The following TNFRSF11A variants were observed in gnomAD, a reference collection of about 807,000 sequenced individuals.
TNFRSF11A encodes tumor necrosis factor receptor superfamily member 11A.
A neutral mutation model predicts 55.7 loss-of-function variants in TNFRSF11A; 32 were observed. The observed-to-expected ratio is 0.57, with a 90% CI of 0.43 to 0.77. TNFRSF11A has a LOEUF of 0.77. Ranked by LOEUF, TNFRSF11A falls within the 30% of genes least tolerant of loss-of-function variation. The pLI is 0.00. For missense variants in TNFRSF11A, 753 were observed against 809.8 expected (o/e 0.93, Z 0.85); for synonymous variants, 311 against 331.0 (o/e 0.94, Z 0.65).
intron 7 of TNFRSF11A, among the ~76,000 whole-genome samples, chr18:62,363,039 TG>T (rs369675667): frequency 6.6e-6 from 1 of 152,068 alleles, no homozygotes; most frequent in Admixed American, 6.6e-5. Context: ...AAATGGGGTT[TG>T]ACCATGTTGG....
intron 1 of TNFRSF11A, among the ~76,000 whole-genome samples, chr18:62,334,547 A>G (rs1342045704): frequency 6.6e-6 from 1 of 152,202 alleles, no homozygotes; most frequent in Admixed American, 6.5e-5. Flanking sequence ...CTTTGCCCTC[A>G]TAAGCTTTCG....
chr18:62,374,790 A>G (rs911727603), intron 9 of TNFRSF11A, among the ~76,000 whole-genome samples: 2 of 152,226 alleles, frequency 1.3e-5, no homozygotes, highest in African/African-American at 4.8e-5. Flanking sequence ...GGGAAACATC[A>G]CTGATTCATT....
chr18:62,343,125 AG>A (rs1473279737), intron 1 of TNFRSF11A, among the ~76,000 whole-genome samples: 1 of 152,226 alleles, frequency 6.6e-6, no homozygotes, highest in Admixed American at 6.5e-5. Context: ...TTCTCTCTTA[AG>A]AAAAACCACA....
chr18:62,361,616 G>A (rs922908221), intron 6 of TNFRSF11A, 64 bp from the exon 7 acceptor site: 1 of 1,478,276 alleles, frequency 6.8e-7, no homozygotes, highest in South Asian at 1.1e-5. Context: ...ACCGGGATTT[G>A]TTTTTCAACT....
intron 9 of TNFRSF11A, among the ~76,000 whole-genome samples, chr18:62,376,153 T>A (rs1477478589): frequency 6.6e-6 from 1 of 152,124 alleles, no homozygotes; most frequent in Non-Finnish European, 1.5e-5. Context: ...GGATGCACAG[T>A]GCGTGATGGT....
In TNFRSF11A at chr18:62,349,936, A is replaced by G; in HGVS notation, c.282A>G (p.Thr94=). ...GCTTGCTGCATAAAGTTTGTGATAC[A>G]GGTGAGCCCGTCCTGTCAGTGTGTC... ...DKCLLHKVCD[T]GKALVAVVAG... is the part of the protein sequence containing the mutation. The change falls in exon 3 of 10, where the codon ACA becomes ACG. Residue 94 remains threonine, a splice_region_variant and synonymous_variant. Transcript: ENST00000586569. The G allele has an allele frequency of 6.2e-7, 1 of 1,613,890 alleles. No individual in the cohort carries two copies.
intron 9 of TNFRSF11A, among the ~76,000 whole-genome samples, chr18:62,371,740 G>A (rs1343765749): frequency 6.6e-6 from 1 of 152,162 alleles, no homozygotes; most frequent in East Asian, 1.9e-4. Context: ...AGGCCTTATG[G>A]TTTCTGGTCA....
chr18:62,336,953 G>A (rs1169068403), intron 1 of TNFRSF11A, among the ~76,000 whole-genome samples: 2 of 152,192 alleles, frequency 1.3e-5, no homozygotes, highest in Non-Finnish European at 2.9e-5. Context: ...GACCATTGAT[G>A]GGCGCCTGAG....
Position 62,384,746 on chromosome 18 carries a change from C to G in TNFRSF11A, c.1568-5C>G. ...TCCCCGTGTTCTCCCTTCCTCTCCC[C>G]GCAGGAAATGTGACTGGAAACAGTA... On this transcript the variant is annotated splice_region_variant and splice_polypyrimidine_tract_variant and intron_variant, in intron 9 of 9. Transcript: ENST00000586569. 1.2e-6 allele frequency: 2 copies of G among 1,611,196 alleles called. No homozygotes were observed. Among genetic ancestry groups the G allele is most frequent in the South Asian group, 1.1e-5 (1 of 90,226 alleles).
At chr18:62,343,143 G>A (rs555002864) in intron 1 of TNFRSF11A, among the ~76,000 whole-genome samples, 2 of 152,072 alleles carry the variant, frequency 1.3e-5, no homozygotes, top group Non-Finnish European at 2.9e-5. Flanking sequence ...CACATCTTTC[G>A]ACTCTACTGT....
chr18:62,366,407 A>G (rs1246085105), intron 7 of TNFRSF11A, among the ~76,000 whole-genome samples: 3 of 152,196 alleles, frequency 2.0e-5, no homozygotes, highest in Non-Finnish European at 4.4e-5. Context: ...GATGTGCAGG[A>G]TGAAGAAAGT....
intron 1 of TNFRSF11A, among the ~76,000 whole-genome samples, chr18:62,347,902 TA>T (rs11338887): frequency 0.85 from 119,428 of 141,118 alleles, 50,496 homozygotes; most frequent in Middle Eastern, 0.89. Flanking sequence ...AGACTCTGTC[TA>T]AAAAAAAAAA....
At position 62,369,205 on chromosome 18, in the gene TNFRSF11A, C is replaced by T; in HGVS notation, c.1288C>T (p.His430Tyr). The T allele has an allele frequency of 1.2e-6, 2 of 1,613,958 alleles. No homozygotes were observed. Among genetic ancestry groups the T allele is most frequent in the Non-Finnish European group, 1.7e-6 (2 of 1,180,054 alleles). Residue 430 changes from histidine (H) to tyrosine (Y), a missense_variant, in exon 9 of 10, where the codon CAT becomes TAT. His to Tyr is a moderately conservative substitution (Grantham distance 83). This residue lies in a region of TNFRSF11A where 567 missense variants were observed against 596.7 expected (regional missense o/e 0.95). Coordinates refer to ENST00000586569, the MANE Select transcript of TNFRSF11A (RefSeq NM_003839.4). ...NYLQKEVDSG[H>Y]CPHWAASPSP... The stretch of plus-strand genomic sequence containing the variant: ...CTTGCAAAAAGAGGTGGACAGTGGC[C>T]ATTGCCCGCACTGGGCAGCCAGCCC...
Position 62,382,796 on chromosome 18 carries a change from A to ATGTT in TNFRSF11A, c.1568-1934_1568-1931dup, listed in dbSNP as rs200980336. On this transcript the variant is annotated intron_variant, in intron 9 of 9. Transcript: ENST00000586569. ...GTGGTGATTGTTTCATTTTGTTTGT[A>ATGTT]TGTTTGTTTGTTTGTTTGTTTGTTA... Among the ~76,000 whole-genome samples, 980 of 142,880 alleles carry ATGTT rather than the reference A, an allele frequency of 6.9e-3. 4 individuals carry two copies. The highest frequency in any genetic ancestry group is 0.011 in the Non-Finnish European group (682 of 62,060). 93.7% of individuals were successfully genotyped at this position (142,880 alleles called of 152,430 possible).
intron 7 of TNFRSF11A, among the ~76,000 whole-genome samples, chr18:62,366,341 G>C (rs959567677): frequency 4.3e-4 from 65 of 152,322 alleles, no homozygotes; most frequent in African/African-American, 1.5e-3. Flanking sequence ...ACAATGGTTA[G>C]CAGGGACAGG....
At chr18:62,384,444 T>TCTC (rs538876425) in intron 9 of TNFRSF11A, among the ~76,000 whole-genome samples, 11,210 of 119,674 alleles carry the variant, frequency 0.094, 731 homozygotes, top group African/African-American at 0.18. Context: ...CTTTCTTTCC[T>TCTC]CTCCTCCTCC....
rs1911593380 is a variant in TNFRSF11A at position 62,384,921 on chromosome 18, TC to T, written c.1740del (p.Phe581SerfsTer95). ...GGAGGAGACCCTGGCGCGCCGAGACTCCTTCGCGGGGAACGGCCCGCGCTTC... is the reference window on the plus strand; with the variant it reads ...GGAGGAGACCCTGGCGCGCCGAGACTCTTCGCGGGGAACGGCCCGCGCTTC... ...VQEETLARRD[S>X]FAGNGPRFPD... is the part of the protein sequence containing the mutation. On this transcript the variant is annotated frameshift_variant, in exon 10 of 10. Transcript: ENST00000586569. LOFTEE classifies it low-confidence loss of function (END_TRUNC). 2 of 1,557,712 alleles carry T rather than the reference TC, an allele frequency of 1.3e-6. No individual in the cohort carries two copies. The highest frequency in any genetic ancestry group is 3.8e-5 in the Admixed American group (2 of 52,382).
chr18:62,336,881 G>A (rs1186333240), intron 1 of TNFRSF11A: 2 of 152,218 alleles, frequency 1.3e-5, no homozygotes, highest in Non-Finnish European at 2.9e-5. Context: ...TTCTTTTCAA[G>A]GAGCAGAGAT....
At chr18:62,334,353 C>T (rs986904979) in intron 1 of TNFRSF11A, among the ~76,000 whole-genome samples, 1 of 152,146 alleles carries the variant, frequency 6.6e-6, no homozygotes, top group Non-Finnish European at 1.5e-5. Context: ...CGTCTATGCC[C>T]CACACCCCAG....
Sources: gnomAD v4.1 joint callset for allele counts (sites outside exome capture counted in the v4.1 genomes callset) on GRCh38, gnomAD v4.1.1 for gene constraint, gnomAD v4.1.1 regional missense constraint, MANE v1.5 for transcripts, NCBI Gene and HGNC (gene_info 2026-07-23, HGNC 2026-07-21) for gene names.